The following ZNF652 variants were observed in gnomAD, a reference collection of about 807,000 sequenced individuals.
The protein encoded by ZNF652 is zinc finger protein 652.
ZNF652 carries 16 observed loss-of-function variants against 45.2 expected under a neutral mutation model. The observed-to-expected ratio is 0.35, with a 90% CI of 0.24 to 0.54. The LOEUF (loss-of-function observed/expected upper bound fraction) is 0.54. ZNF652 is among the 20% of genes least tolerant of loss of function. The probability of loss-of-function intolerance (pLI) is 0.91; values close to 1 mark genes in which losing one functional copy is unlikely to be tolerated. For missense variants in ZNF652, 614 were observed against 765.6 expected, an observed-to-expected ratio of 0.80 and a Z score of 2.34; for synonymous variants, 250 against 260.6, an observed-to-expected ratio of 0.96 and a Z score of 0.39.
rs766636708 is a variant in ZNF652 at position 49,298,798 on chromosome 17, C to T, written c.1436G>A (p.Arg479His). Reference protein sequence around the residue: ...YPCDVCGQRFRFSNMLKAHKE... With the variant: ...YPCDVCGQRFHFSNMLKAHKE... The stretch of plus-strand genomic sequence containing the variant: ...GTGGGCCTTAAGCATGTTCGAGAAG[C>T]GGAACCGCTGGCCACACACATCACA... Residue 479 changes from arginine (R) to histidine (H), a missense_variant, in exon 6 of 6, where the codon CGC (arginine) becomes CAC (histidine). By Grantham distance (29) the Arg-to-His change is conservative. Around this residue, in one of 5 missense-constraint regions of ZNF652, gnomAD observed 81 missense variants for 167.0 expected, o/e 0.48. Coordinates refer to ENST00000430262, the MANE Select transcript of ZNF652 (RefSeq NM_001145365.3). 2 of 1,614,026 alleles carry T rather than the reference C, an allele frequency of 1.2e-6. No individual in the cohort carries two copies. Among genetic ancestry groups the T allele is most frequent in the Non-Finnish European group, 8.5e-7 (1 of 1,180,012 alleles).
chr17:49,327,771 ATATATATATTTTT>A (rs2069978915), intron 1 of ZNF652, among the ~76,000 whole-genome samples: 1 of 3,524 alleles, frequency 2.8e-4, no homozygotes, highest in African/African-American at 1.7e-3. Flanking sequence ...ATATATATAT[ATATATATATTTTT>A]TTTTTTTTTT....
At chr17:49,325,320 G>A (rs1251273485) in intron 1 of ZNF652, among the ~76,000 whole-genome samples, 4 of 152,210 alleles carry the variant, frequency 2.6e-5, no homozygotes, top group Admixed American at 2.0e-4. Flanking sequence ...GAGAGATGGT[G>A]TAACAGCTGG....
intron 1 of ZNF652, among the ~76,000 whole-genome samples, chr17:49,351,050 C>T (rs930147322): frequency 6.9e-5 from 9 of 129,880 alleles, no homozygotes; most frequent in African/African-American, 1.8e-4. Context: ...CACACACACA[C>T]ACACATATTT....
chr17:49,352,925 G>A (rs941253190), intron 1 of ZNF652, among the ~76,000 whole-genome samples: 4 of 152,120 alleles, frequency 2.6e-5, no homozygotes, highest in African/African-American at 9.7e-5. Flanking sequence ...TGCAAAAGAC[G>A]AAACTACAGT....
At chr17:49,360,435 T>C (rs184772891) in intron 1 of ZNF652, among the ~76,000 whole-genome samples, 1 of 152,268 alleles carries the variant, frequency 6.6e-6, no homozygotes, top group African/African-American at 2.4e-5. Flanking sequence ...CAAACAAAGA[T>C]TACTAACCAC....
intron 1 of ZNF652, among the ~76,000 whole-genome samples, chr17:49,338,390 TATA>T (rs1451162832): frequency 6.6e-6 from 1 of 152,144 alleles, no homozygotes; most frequent in East Asian, 1.9e-4. Context: ...ATCTTGCATC[TATA>T]ATGTGTGCTG....
At chr17:49,331,121 CTT>C (rs1291833601) in intron 1 of ZNF652, among the ~76,000 whole-genome samples, 1 of 115,720 alleles carries the variant, frequency 8.6e-6, no homozygotes, top group Non-Finnish European at 1.7e-5. Context: ...ATGAATGTGT[CTT>C]TTTTTTTTTT....
chr17:49,291,638 T>C lies in ZNF652; in HGVS notation c.*6775A>G, dbSNP rs2069405759. 2 of 152,196 alleles carry C rather than the reference T, an allele frequency of 1.3e-5. No homozygotes were observed. Among genetic ancestry groups the C allele is most frequent in the East Asian group, 3.8e-4 (2 of 5,198 alleles). 9.4% of individuals were successfully genotyped at this position (152,196 alleles called of 1,614,324 possible). On this transcript the variant is annotated 3_prime_UTR_variant, in exon 6 of 6. Transcript: ENST00000430262. The stretch of plus-strand genomic sequence containing the variant: ...ACAAGACAGCAGGCTGTCTCAAGGA[T>C]GTGGTTCCTCCAAGTGACAAGCAAG...
intron 1 of ZNF652, among the ~76,000 whole-genome samples, chr17:49,337,719 C>G (rs2070101052): frequency 6.6e-6 from 1 of 152,084 alleles, no homozygotes; most frequent in Non-Finnish European, 1.5e-5. Flanking sequence ...TCCCTGAATG[C>G]AGAAATTCCT....
chr17:49,308,383 C>T (rs1007588392), intron 5 of ZNF652, among the ~76,000 whole-genome samples: 2 of 152,086 alleles, frequency 1.3e-5, no homozygotes, highest in African/African-American at 4.8e-5. Context: ...TGCCATGTTG[C>T]CCAGGCTGGT....
chr17:49,313,118 A>G (rs534122272), intron 2 of ZNF652, among the ~76,000 whole-genome samples: 17 of 152,328 alleles, frequency 1.1e-4, no homozygotes, highest in Admixed American at 1.1e-3. Flanking sequence ...ATTCACTGCT[A>G]TTATGAAGTT....
chr17:49,328,755 A>G (rs560813266), intron 1 of ZNF652, among the ~76,000 whole-genome samples: 2 of 152,310 alleles, frequency 1.3e-5, no homozygotes, highest in East Asian at 1.9e-4. Flanking sequence ...CACAAGCCCA[A>G]ATAAACCTCT....
In ZNF652 at chr17:49,317,588, C is replaced by G; in HGVS notation, c.138G>C (p.Leu46=). The change falls in exon 2 of 6, where the codon CTG becomes CTC. Residue 46 remains leucine (L), a synonymous_variant. Transcript: ENST00000430262. ...FYHGANQELD[L]STKVYKRESG... ...ATTCCCTTTTGTACACTTTGGTGGA[C>G]AGGTCAAGTTCTTGGTTGGCACCAT... 6.2e-7 allele frequency: 1 copy of G among 1,614,114 alleles called. No individual in the cohort carries two copies. The highest frequency in any genetic ancestry group is 1.3e-5 in the African/African-American group (1 of 75,024).
In ZNF652 at chr17:49,291,931, TTCA is replaced by T. The variant is rs1330893217; in HGVS notation, c.*6479_*6481del. Among the ~76,000 whole-genome samples the T allele has an allele frequency of 6.6e-6, 1 of 152,174 alleles. No individual in the cohort carries two copies. Among genetic ancestry groups the T allele is most frequent in the Non-Finnish European group, 1.5e-5 (1 of 68,012 alleles). On this transcript the variant is annotated 3_prime_UTR_variant, in exon 6 of 6. Transcript: ENST00000430262. ...GAAGCCTTCAAAAATCTTGAATTTA[TTCA>T]TCATCAAACATAACCAATTCTCACA...
At chr17:49,309,388 A>C (rs2069677713) in intron 5 of ZNF652, among the ~76,000 whole-genome samples, 1 of 150,024 alleles carries the variant, frequency 6.7e-6, no homozygotes, top group African/African-American at 2.5e-5. Flanking sequence ...AACTCGCGTA[A>C]TCTCAACTAC....
At chr17:49,346,271 A>G (rs538163784) in intron 1 of ZNF652, among the ~76,000 whole-genome samples, 11 of 152,252 alleles carry the variant, frequency 7.2e-5, no homozygotes, top group Non-Finnish European at 1.0e-4. Context: ...AACAAACAGG[A>G]TGGGCTCAGT....
intron 1 of ZNF652, among the ~76,000 whole-genome samples, chr17:49,361,542 G>C (rs986888354): frequency 1.3e-5 from 2 of 152,238 alleles, no homozygotes; most frequent in African/African-American, 2.4e-5. Flanking sequence ...CAGGGCAGGA[G>C]AACGCTCGCA....
chr17:49,323,491 C>G (rs571091463), intron 1 of ZNF652, among the ~76,000 whole-genome samples: 22 of 152,194 alleles, frequency 1.4e-4, no homozygotes, highest in Non-Finnish European at 2.8e-4. Flanking sequence ...TGACCTCTTC[C>G]TATGAATCAC....
intron 5 of ZNF652, among the ~76,000 whole-genome samples, chr17:49,308,647 C>T (rs1467278562): frequency 1.3e-5 from 2 of 151,906 alleles, no homozygotes; most frequent in African/African-American, 4.8e-5. Flanking sequence ...ATTAAAAATA[C>T]AAAAATTAGC....
Sources: allele counts gnomAD v4.1 joint callset (sites outside exome capture counted in the v4.1 genomes callset), GRCh38; gene constraint gnomAD v4.1.1; regional missense constraint gnomAD v4.1.1; transcripts MANE v1.5; gene names NCBI Gene and HGNC (gene_info 2026-07-23, HGNC 2026-07-21).